The following RFLNA variants were observed in gnomAD, a reference collection of about 807,000 sequenced individuals.
The protein encoded by RFLNA is refilin A, also known as refilin-A.
Under a neutral mutation model 7.8 loss-of-function variants are expected in RFLNA, and 5 were observed. That is an observed-to-expected ratio of 0.64 (90% CI 0.34 to 1.35). The LOEUF (loss-of-function observed/expected upper bound fraction) is 1.35. RFLNA is among the 40% of genes most tolerant of loss of function. The pLI is 0.04. For missense variants in RFLNA, 278 were observed against 305.5 expected (o/e 0.91, Z 0.67); for synonymous variants, 141 against 131.3 (o/e 1.07, Z -0.50).
intron 1 of RFLNA, among the ~76,000 whole-genome samples, chr12:124,310,335 C>T (rs1366919973): frequency 6.6e-6 from 1 of 151,674 alleles, no homozygotes; most frequent in Non-Finnish European, 1.5e-5. Context: ...AGGGGAAAGG[C>T]CTGTGAGGCT....
chr12:124,310,841 G>A (rs1401963769), intron 1 of RFLNA, among the ~76,000 whole-genome samples: 2 of 152,108 alleles, frequency 1.3e-5, no homozygotes, highest in Non-Finnish European at 2.9e-5. Context: ...GGCTGTGGAT[G>A]GCTTCTGTTC....
At chr12:124,311,381 C>T (rs1303100815) in intron 1 of RFLNA, among the ~76,000 whole-genome samples, 1 of 120,594 alleles carries the variant, frequency 8.3e-6, no homozygotes, top group Non-Finnish European at 1.8e-5. Context: ...GGTCTCTACC[C>T]CTCTGGAGGC....
rs1443531879 is a variant in RFLNA, at chr12:124,315,266, G to C, written c.*741G>C. Reference sequence around the variant, plus strand: ...CACTGCCCGTCGAAATGGAAAGGTTGGTGCTCAGCCTCTGGAGCCTCACCT... The same window carrying C: ...CACTGCCCGTCGAAATGGAAAGGTTCGTGCTCAGCCTCTGGAGCCTCACCT... On this transcript the variant is annotated 3_prime_UTR_variant, in exon 3 of 3. Coordinates refer to ENST00000546355, the MANE Select transcript of RFLNA (RefSeq NM_001365156.1). 6.4e-6 allele frequency: 1 copy of C among 155,524 alleles called. No individual in the cohort carries two copies. Among genetic ancestry groups the C allele is most frequent in the African/African-American group, 2.4e-5 (1 of 41,478 alleles). The allele number at this position is 155,524 out of a possible 1,614,324, so 9.6% of individuals were successfully genotyped here. A position where few individuals can be genotyped will look rare whatever the true frequency, so the allele number is the denominator to read the frequency against.
At chr12:124,301,445 G>A (rs1166588123) in intron 1 of RFLNA, among the ~76,000 whole-genome samples, 2 of 152,318 alleles carry the variant, frequency 1.3e-5, no homozygotes, top group Non-Finnish European at 2.9e-5. Context: ...CTTTCCCGGA[G>A]ACAGCTTTCC....
At position 124,295,424 on chromosome 12, in the gene RFLNA, C is replaced by A. The variant is rs1312791764; in HGVS notation, c.-6C>A. 1 of 1,225,332 alleles carries A rather than the reference C, an allele frequency of 8.2e-7. No individual in the cohort carries two copies. The highest frequency in any genetic ancestry group is 1.0e-6 in the Non-Finnish European group (1 of 985,188). The allele number at this position is 1,225,332 out of a possible 1,614,324, so 75.9% of individuals were successfully genotyped here. A position where few individuals can be genotyped will look rare whatever the true frequency, so the allele number is the denominator to read the frequency against. On this transcript the variant is annotated 5_prime_UTR_variant, in exon 1 of 3. Coordinates refer to ENST00000546355, the MANE Select transcript of RFLNA (RefSeq NM_001365156.1). ...GCGGGGGGCCCGCGCCCCGCGCCCCCCAGACATGGTGGGCCACCTGCATCT... is the reference window on the plus strand; with the variant it reads ...GCGGGGGGCCCGCGCCCCGCGCCCCACAGACATGGTGGGCCACCTGCATCT...
chr12:124,309,614 T>G (rs2034202116), intron 1 of RFLNA, among the ~76,000 whole-genome samples: 1 of 152,218 alleles, frequency 6.6e-6, no homozygotes, highest in African/African-American at 2.4e-5. Flanking sequence ...GGCGGGTTAT[T>G]TAAAGCCCCG....
chr12:124,306,723 G>A lies in RFLNA; in HGVS notation c.208-5095G>A, dbSNP rs2135686549. ...TAAGGATCAGATGAGTAGGATATGT[G>A]GCGAGTGCCCAGAATGGTGCCCGGC... On this transcript the variant is annotated intron_variant, in intron 1 of 2. Transcript: ENST00000546355. The surrounding 1 kb of genome is among the most constrained non-coding windows in gnomAD (Gnocchi z 5.2). 6.6e-6 allele frequency among the ~76,000 whole-genome samples: 1 copy of A among 152,304 alleles called. No homozygotes were observed. Among genetic ancestry groups the A allele is most frequent in the Admixed American group, 6.5e-5 (1 of 15,302 alleles).
At chr12:124,293,109 T>C (rs2033848668), upstream of RFLNA, among the ~76,000 whole-genome samples, 1 of 152,150 alleles carries the variant, frequency 6.6e-6, no homozygotes, top group Non-Finnish European at 1.5e-5. Context: ...TTATTTTTAG[T>C]AGAGACAGAA....
intron 1 of RFLNA, among the ~76,000 whole-genome samples, chr12:124,298,161 C>T (rs1452725165): frequency 6.6e-6 from 1 of 152,174 alleles, no homozygotes; most frequent in Non-Finnish European, 1.5e-5. Flanking sequence ...GTGGCATATG[C>T]CTCAGCTGCT....
intron 1 of RFLNA, among the ~76,000 whole-genome samples, chr12:124,305,813 G>A (rs372653014): frequency 7.2e-5 from 11 of 152,060 alleles, no homozygotes; most frequent in Non-Finnish European, 1.5e-4. Flanking sequence ...GTTAGGGTGT[G>A]GACAGCTTTG....
chr12:124,302,685 C>T lies in RFLNA; in HGVS notation c.207+7049C>T, dbSNP rs371883641. On this transcript the variant is annotated intron_variant, in intron 1 of 2. Transcript: ENST00000546355. ...ATGGTCAAGATTAACCTTAGCCCAGCCCGTGCGCTTTGGTCTCAGATTCCC... is the reference window on the plus strand; with the variant it reads ...ATGGTCAAGATTAACCTTAGCCCAGTCCGTGCGCTTTGGTCTCAGATTCCC... Among the ~76,000 whole-genome samples, 42 of 152,316 alleles carry T rather than the reference C, an allele frequency of 2.8e-4. No individual in the cohort carries two copies. In the East Asian group the frequency reaches 4.8e-3, roughly 17 times the overall value.
At chr12:124,308,283 G>C in intron 1 of RFLNA, among the ~76,000 whole-genome samples, 1 of 152,202 alleles carries the variant, frequency 6.6e-6, no homozygotes, top group East Asian at 1.9e-4. Flanking sequence ...CCTCCGGCCT[G>C]TGTCCACGCT....
chr12:124,311,735 A>T (rs939391357), intron 1 of RFLNA, 83 bp from the exon 2 acceptor site: 1 of 1,261,490 alleles, frequency 7.9e-7, no homozygotes, highest in African/African-American at 1.6e-5. Flanking sequence ...AGAGGGTGTC[A>T]GGTGGTCCTG....
intron 1 of RFLNA, among the ~76,000 whole-genome samples, chr12:124,311,112 T>C (rs2034235820): frequency 6.6e-6 from 1 of 152,220 alleles, no homozygotes; most frequent in African/African-American, 2.4e-5. Context: ...CGGTGGGGGC[T>C]GTCTCCACAG....
intron 1 of RFLNA, among the ~76,000 whole-genome samples, chr12:124,299,486 A>G (rs2033989235): frequency 6.6e-6 from 1 of 152,116 alleles, no homozygotes; most frequent in Admixed American, 6.5e-5. Flanking sequence ...CCAATTTGTC[A>G]TCTCTTATCC....
chr12:124,305,591 G>C (rs1160595187), intron 1 of RFLNA, among the ~76,000 whole-genome samples: 1 of 152,176 alleles, frequency 6.6e-6, no homozygotes, highest in Non-Finnish European at 1.5e-5. Flanking sequence ...TGCCTGTTCT[G>C]GCTCCTAGAG....
At chr12:124,300,893 A>G (rs1286425384) in intron 1 of RFLNA, among the ~76,000 whole-genome samples, 1 of 142,484 alleles carries the variant, frequency 7.0e-6, no homozygotes, top group Admixed American at 7.0e-5. Context: ...GGCAAATAGA[A>G]GGATGGATGG....
intron 1 of RFLNA, among the ~76,000 whole-genome samples, chr12:124,307,981 CTCT>C: frequency 7.1e-6 from 1 of 141,622 alleles, no homozygotes; most frequent in African/African-American, 2.8e-5. Flanking sequence ...TCTGTGTCCG[CTCT>C]TTTTTTTTTT....
At chr12:124,298,047 G>A (rs762973075) in intron 1 of RFLNA, among the ~76,000 whole-genome samples, 4 of 152,232 alleles carry the variant, frequency 2.6e-5, no homozygotes, top group African/African-American at 9.6e-5. Context: ...TGGGGTGAGC[G>A]GTGCCGGGTT....
Sources: gnomAD v4.1 joint callset for allele counts (sites outside exome capture counted in the v4.1 genomes callset) on GRCh38, gnomAD v4.1.1 for gene constraint, Gnocchi (gnomAD v3.1) non-coding constraint, MANE v1.5 for transcripts, NCBI Gene and HGNC (gene_info 2026-07-23, HGNC 2026-07-21) for gene names.